Variants in DISC1 observed in about 807,000 individuals in gnomAD.
DISC1 encodes the protein disrupted in schizophrenia 1 protein.
Under a neutral mutation model 84.5 loss-of-function variants are expected in DISC1, and 57 were observed. The ratio of observed to expected loss-of-function variants is 0.67; its 90% CI spans 0.55 to 0.84. The LOEUF is 0.84. Ranked by LOEUF, DISC1 falls within the 40% of genes least tolerant of loss-of-function variation. The pLI is 0.00. For synonymous variants in DISC1, 411 were observed against 415.2 expected, an observed-to-expected ratio of 0.99 and a Z score of 0.12; for missense variants, 1,000 against 1,057.8, an observed-to-expected ratio of 0.95 and a Z score of 0.76.
intron 6 of DISC1, among the ~76,000 whole-genome samples, chr1:231,785,257 T>TTTATTTA (rs376064708): frequency 2.8e-3 from 295 of 104,874 alleles, no homozygotes; most frequent in South Asian, 7.4e-3. Flanking sequence ...GTGTGTGTTA[T>TTTATTTA]TTTATTTATT....
At chr1:231,884,392 C>T (rs1574400273) in intron 9 of DISC1, among the ~76,000 whole-genome samples, 1 of 152,274 alleles carries the variant, frequency 6.6e-6, no homozygotes, top group East Asian at 1.9e-4. Flanking sequence ...ATAATGGCTT[C>T]CAGCTCCATC....
intron 6 of DISC1, among the ~76,000 whole-genome samples, chr1:231,785,709 G>C (rs2077797973): frequency 6.6e-6 from 1 of 152,132 alleles, no homozygotes; most frequent in Non-Finnish European, 1.5e-5. Flanking sequence ...CTTAAACTGA[G>C]TTTTACAAAA....
intron 3 of DISC1, among the ~76,000 whole-genome samples, chr1:231,719,003 T>C (rs2069196139): frequency 6.6e-6 from 1 of 152,150 alleles, no homozygotes; most frequent in East Asian, 1.9e-4. Context: ...TGTGCATCAA[T>C]AGACTCAGCT....
intron 1 of DISC1, among the ~76,000 whole-genome samples, chr1:231,678,896 T>C (rs1195680289): frequency 6.6e-6 from 1 of 151,940 alleles, no homozygotes; most frequent in Non-Finnish European, 1.5e-5. Context: ...CAGGATGGTC[T>C]CGATCTCCTG....
At chr1:231,716,744 A>C (rs2068784084) in intron 3 of DISC1, among the ~76,000 whole-genome samples, 1 of 152,188 alleles carries the variant, frequency 6.6e-6, no homozygotes, top group African/African-American at 2.4e-5. Context: ...AGAGAAGGCT[A>C]AGGTGTAATT....
At chr1:231,674,522 GA>G (rs2062951506) in intron 1 of DISC1, among the ~76,000 whole-genome samples, 1 of 152,196 alleles carries the variant, frequency 6.6e-6, no homozygotes, top group Non-Finnish European at 1.5e-5. Flanking sequence ...TGAATACAAA[GA>G]AAATATGAAG....
At chr1:231,683,831 A>G (rs759409527) in intron 1 of DISC1, among the ~76,000 whole-genome samples, 3 of 151,454 alleles carry the variant, frequency 2.0e-5, no homozygotes, top group Non-Finnish European at 4.4e-5. Flanking sequence ...GCCTATTCCC[A>G]TCCTGTCTTC....
chr1:231,711,149 C>T (rs1452123101), intron 3 of DISC1, among the ~76,000 whole-genome samples: 3 of 151,898 alleles, frequency 2.0e-5, no homozygotes. Flanking sequence ...TCATGGTATC[C>T]CTTCACACAA....
Position 231,782,366 on chromosome 1 carries a change from A to G in DISC1, c.1634+11296A>G, listed in dbSNP as rs115148633. On this transcript the variant is annotated intron_variant, in intron 6 of 12. Transcript: ENST00000439617. ...AACATTTTAGGAAATGAAATCGACA[A>G]TATTCCCCAGTTTTAGGAATCAGGC... Among the ~76,000 whole-genome samples, 1,338 of 152,326 alleles carry G rather than the reference A, an allele frequency of 8.8e-3. 14 individuals carry two copies. Among genetic ancestry groups the G allele is most frequent in the African/African-American group, 0.029 (1,218 of 41,568 alleles).
At chr1:231,647,666 C>A (rs537233927) in intron 1 of DISC1, among the ~76,000 whole-genome samples, 1 of 152,130 alleles carries the variant, frequency 6.6e-6, no homozygotes, top group Non-Finnish European at 1.5e-5. Flanking sequence ...GCCATTTTCA[C>A]GATATTGATT....
chr1:231,714,643 GAGAT>G (rs1360240876), intron 3 of DISC1, among the ~76,000 whole-genome samples: 4 of 151,362 alleles, frequency 2.6e-5, no homozygotes, highest in Non-Finnish European at 4.4e-5. Flanking sequence ...GAGAGAGAAA[GAGAT>G]AGAGAAAGAG....
chr1:231,687,229 A>G (rs1252555183), intron 1 of DISC1, among the ~76,000 whole-genome samples: 2 of 152,240 alleles, frequency 1.3e-5, no homozygotes, highest in African/African-American at 4.8e-5. Context: ...ACTGGTACCA[A>G]TTTACTGTAT....
rs1437599399 is a variant in DISC1, at chr1:231,866,667, A to G, written c.1981+48150A>G. ...CTCAACTACTATTAATTGAAAGGGC[A>G]TTGAAGAGACATGATGTCACAATAA... is the stretch of plus-strand genomic sequence containing the variant. On this transcript the variant is annotated intron_variant, in intron 9 of 12. Coordinates refer to ENST00000439617, the MANE Select transcript of DISC1 (RefSeq NM_018662.3). The G allele has an allele frequency of 7.3e-6, 11 of 1,502,762 alleles. No individual in the cohort carries two copies. In the East Asian group the frequency reaches 2.5e-4, roughly 35 times the overall value. 93.1% of individuals were successfully genotyped at this position (1,502,762 alleles called of 1,614,324 possible).
At chr1:231,838,064 CA>C (rs2082751377) in intron 9 of DISC1, among the ~76,000 whole-genome samples, 1 of 152,182 alleles carries the variant, frequency 6.6e-6, no homozygotes, top group Admixed American at 6.5e-5. Context: ...GTCCTGGATT[CA>C]TTAATGCACA....
At chr1:231,638,580 T>G (rs1012514653) in intron 1 of DISC1, among the ~76,000 whole-genome samples, 1 of 152,204 alleles carries the variant, frequency 6.6e-6, no homozygotes, top group Non-Finnish European at 1.5e-5. Flanking sequence ...ATTTCCCCAG[T>G]ATCATTTATT....
At position 231,626,933 on chromosome 1, in the gene DISC1, A is replaced by C; in HGVS notation, c.66A>C (p.Ala22=). The change falls in exon 1 of 13, where the codon GCA becomes GCC. Residue 22 remains alanine (A), a splice_region_variant and synonymous_variant. Coordinates refer to ENST00000439617, the MANE Select transcript of DISC1 (RefSeq NM_018662.3). Reference sequence around the variant, plus strand: ...GCGGCGGCGGCGTGAGCCACCGCGCAGGTAGGGGAGCTGCCACAGAGTCCT... The same window carrying C: ...GCGGCGGCGGCGTGAGCCACCGCGCCGGTAGGGGAGCTGCCACAGAGTCCT... ...AAGGGGVSHR[A]GSRDCLPPAA... 1 of 1,503,812 alleles carries C rather than the reference A, an allele frequency of 6.6e-7. No individual in the cohort carries two copies. The highest frequency in any genetic ancestry group is 2.2e-5 in the Admixed American group (1 of 46,476). The allele number at this position is 1,503,812 out of a possible 1,614,324, so 93.2% of individuals were successfully genotyped here.
intron 9 of DISC1, among the ~76,000 whole-genome samples, chr1:231,945,449 A>AC (rs1656977627): frequency 6.6e-6 from 1 of 152,236 alleles, no homozygotes; most frequent in South Asian, 2.1e-4. Context: ...AATCTCTGGG[A>AC]CACATTTAAA....
At chr1:231,917,070 A>C (rs1030760077) in intron 9 of DISC1, among the ~76,000 whole-genome samples, 1 of 152,198 alleles carries the variant, frequency 6.6e-6, no homozygotes, top group Admixed American at 6.5e-5. Flanking sequence ...TGGAAATGGA[A>C]AATTTGTAAG....
intron 6 of DISC1, among the ~76,000 whole-genome samples, chr1:231,775,829 G>T (rs12090676): frequency 0.014 from 2,070 of 152,122 alleles, 61 homozygotes; most frequent in African/African-American, 0.048. Flanking sequence ...CTTTTACCCA[G>T]TGAGCTTGGT....
Sources: gnomAD v4.1 joint callset for allele counts (sites outside exome capture counted in the v4.1 genomes callset) on GRCh38, gnomAD v4.1.1 for gene constraint, MANE v1.5 for transcripts, NCBI Gene and HGNC (gene_info 2026-07-23, HGNC 2026-07-21) for gene names.